Variants in SIPA1L3 observed in about 807,000 individuals in gnomAD.
SIPA1L3 encodes signal induced proliferation associated 1 like 3, also known as signal-induced proliferation-associated 1-like protein 3.
Under a neutral mutation model 150.1 loss-of-function variants are expected in SIPA1L3, and 59 were observed. That is an observed-to-expected ratio of 0.39 (90% CI 0.32 to 0.49). The LOEUF is 0.49. Ranked by LOEUF, SIPA1L3 falls within the 20% of genes least tolerant of loss-of-function variation. The probability of loss-of-function intolerance (pLI) is 0.86; values close to 1 mark genes in which losing one functional copy is unlikely to be tolerated. For missense variants in SIPA1L3, 2,211 were observed against 2,489.5 expected (o/e 0.89, Z 2.38); for synonymous variants, 1,070 against 1,077.6 (o/e 0.99, Z 0.14).
At chr19:38,033,653 A>G (rs1207510285) in intron 2 of SIPA1L3, among the ~76,000 whole-genome samples, 2 of 145,616 alleles carry the variant, frequency 1.4e-5, no homozygotes, top group Non-Finnish European at 3.0e-5. Flanking sequence ...GCCCCGGGCA[A>G]TAGAGCGAGA....
chr19:38,112,042 G>A (rs971781955), intron 8 of SIPA1L3, among the ~76,000 whole-genome samples: 2 of 136,676 alleles, frequency 1.5e-5, no homozygotes, highest in African/African-American at 2.9e-5. Flanking sequence ...CACACCATGC[G>A]TCCACACATG....
chr19:38,082,135 C>G lies in SIPA1L3; in HGVS notation c.570C>G (p.Ala190=). 1 of 1,606,284 alleles carries G rather than the reference C, an allele frequency of 6.2e-7. No homozygotes were observed. The highest frequency in any genetic ancestry group is 8.5e-7 in the Non-Finnish European group (1 of 1,179,184). The change falls in exon 3 of 22, where the codon GCC becomes GCG. Residue 190 remains alanine (A), a synonymous_variant. Coordinates refer to ENST00000222345, the MANE Select transcript of SIPA1L3 (RefSeq NM_015073.3). Reference sequence around the variant, plus strand: ...AGGACGCGGGGGAGCCGCGGGGGGCCCGGCACACGGGGGCGCTGCCCCTCT... The same window carrying G: ...AGGACGCGGGGGAGCCGCGGGGGGCGCGGCACACGGGGGCGCTGCCCCTCT... ...DAEDAGEPRG[A]RHTGALPLFR...
At position 38,204,038 on chromosome 19, in the gene SIPA1L3, C is replaced by CCT. The variant is rs1467364738; in HGVS notation, c.5121-88_5121-87dup. On this transcript the variant is annotated intron_variant, in intron 20 of 21. Transcript: ENST00000222345. ...TGCTAGAATGTCAGGGATAAGGGGG[C>CCT]CTGTACCCCCAGGCTCCTCAGATGT... 3.3e-4 allele frequency: 330 copies of CCT among 1,003,726 alleles called. 3 individuals are homozygous for CCT. The East Asian group carries it at 7.3e-3, about 22-fold the overall frequency. 62.2% of individuals were successfully genotyped at this position (1,003,726 alleles called of 1,614,324 possible). A position where few individuals can be genotyped will look rare whatever the true frequency, so the allele number is the denominator to read the frequency against.
At chr19:38,202,449 G>A (rs556681219) in intron 20 of SIPA1L3, among the ~76,000 whole-genome samples, 42 of 152,144 alleles carry the variant, frequency 2.8e-4, no homozygotes, top group African/African-American at 9.6e-4. Flanking sequence ...TTAGCCGGGC[G>A]TGGTGGTGCG....
chr19:38,187,634 G>A (rs1424220037), intron 16 of SIPA1L3, among the ~76,000 whole-genome samples: 3 of 144,590 alleles, frequency 2.1e-5, no homozygotes, highest in South Asian at 2.2e-4. Flanking sequence ...GGAGAATGGC[G>A]TGAACCCCAG....
chr19:37,908,347 C>T (rs2046352502), intron 1 of SIPA1L3, among the ~76,000 whole-genome samples: 2 of 152,224 alleles, frequency 1.3e-5, no homozygotes. Flanking sequence ...AGCGCCATCT[C>T]TCACTAAGTA....
intron 15 of SIPA1L3, among the ~76,000 whole-genome samples, chr19:38,179,666 AGTATT>A: frequency 6.6e-6 from 1 of 152,152 alleles, no homozygotes; most frequent in South Asian, 2.1e-4. Context: ...CCAGCAGTAT[AGTATT>A]GTCATTATTG....
intron 13 of SIPA1L3, among the ~76,000 whole-genome samples, chr19:38,154,665 C>T (rs1033966904): frequency 6.6e-6 from 1 of 151,940 alleles, no homozygotes; most frequent in Non-Finnish European, 1.5e-5. Flanking sequence ...CCAGGCTCGT[C>T]TCGAACTCCT....
At chr19:38,183,446 T>C (rs1304747617) in intron 16 of SIPA1L3, among the ~76,000 whole-genome samples, 1 of 151,266 alleles carries the variant, frequency 6.6e-6, no homozygotes, top group Non-Finnish European at 1.5e-5. Context: ...GTGGATGTGG[T>C]GTGAGAGAAA....
chr19:38,130,575 G>A lies in SIPA1L3; in HGVS notation c.2946G>A (p.Lys982=), dbSNP rs373721533. The change falls in exon 10 of 22, where the codon AAG becomes AAA. Residue 982 remains lysine (K), a synonymous_variant. Transcript: ENST00000222345. ...NGLGQLGFHV[K]YDGTVAEVED... is the part of the protein sequence containing the mutation. ...TCGGGCAGCTGGGCTTCCACGTGAA[G>A]TACGACGGCACGGTGGCCGAGGTTG... 1.2e-5 allele frequency: 19 copies of A among 1,613,750 alleles called. No homozygotes were observed. Among genetic ancestry groups the A allele is most frequent in the Non-Finnish European group, 1.4e-5 (17 of 1,180,040 alleles).
intron 1 of SIPA1L3, among the ~76,000 whole-genome samples, chr19:37,992,467 A>G (rs1278907571): frequency 6.6e-6 from 1 of 152,122 alleles, no homozygotes; most frequent in Non-Finnish European, 1.5e-5. Flanking sequence ...CCTGGCCAAC[A>G]CGGCGAGACC....
At chr19:37,949,077 A>G (rs1273614644) in intron 1 of SIPA1L3, among the ~76,000 whole-genome samples, 5 of 152,190 alleles carry the variant, frequency 3.3e-5, no homozygotes, top group Non-Finnish European at 5.9e-5. Context: ...CTAAGCCTCA[A>G]AGAATTGTGA....
At chr19:37,936,732 C>A (rs1177823340) in intron 1 of SIPA1L3, among the ~76,000 whole-genome samples, 2 of 152,234 alleles carry the variant, frequency 1.3e-5, no homozygotes, top group African/African-American at 4.8e-5. Flanking sequence ...GAGATGCAGT[C>A]TCTCCTGGTC....
intron 1 of SIPA1L3, among the ~76,000 whole-genome samples, chr19:37,986,850 G>A (rs75177550): frequency 5.1e-4 from 77 of 152,282 alleles, no homozygotes; most frequent in African/African-American, 1.8e-3. Context: ...ACTGAATGTA[G>A]CTGAGAACCA....
At chr19:38,202,886 C>T (rs772551516) in intron 20 of SIPA1L3, among the ~76,000 whole-genome samples, 9 of 152,176 alleles carry the variant, frequency 5.9e-5, no homozygotes, top group Non-Finnish European at 1.2e-4. Flanking sequence ...TGTCATCTCA[C>T]GCGTGGCTTC....
At chr19:38,012,810 A>C (rs1194499521) in intron 1 of SIPA1L3, among the ~76,000 whole-genome samples, 1 of 152,204 alleles carries the variant, frequency 6.6e-6, no homozygotes, top group African/African-American at 2.4e-5. Flanking sequence ...GGGGATTGAA[A>C]GCAGTGGCTG....
chr19:38,060,711 G>C (rs546484911), intron 2 of SIPA1L3, among the ~76,000 whole-genome samples: 29 of 152,014 alleles, frequency 1.9e-4, no homozygotes, highest in African/African-American at 6.3e-4. Flanking sequence ...TTTTTTTTGA[G>C]ACAGAGTTTC....
chr19:38,181,700 G>C (rs969074877), intron 15 of SIPA1L3, among the ~76,000 whole-genome samples: 3 of 151,944 alleles, frequency 2.0e-5, no homozygotes, highest in African/African-American at 7.3e-5. Flanking sequence ...AAAAAACTTA[G>C]CTGGGCGTGG....
intron 17 of SIPA1L3, among the ~76,000 whole-genome samples, 153 bp from the exon 18 acceptor site, chr19:38,193,384 A>C: frequency 1.8e-5 from 1 of 56,034 alleles, no homozygotes. Context: ...GGAGGGAGGA[A>C]GGGAGGGAGG....
Sources: gnomAD v4.1 joint callset for allele counts (sites outside exome capture counted in the v4.1 genomes callset) on GRCh38, gnomAD v4.1.1 for gene constraint, MANE v1.5 for transcripts, NCBI Gene and HGNC (gene_info 2026-07-23, HGNC 2026-07-21) for gene names.